KIAA1217: variants seen among roughly 807,000 people sequenced by gnomAD.
KIAA1217 encodes sickle tail protein homolog.
Under a neutral mutation model 163.9 loss-of-function variants are expected in KIAA1217, and 88 were observed. The observed-to-expected ratio is 0.54, with a 90% CI of 0.45 to 0.64. KIAA1217 has a LOEUF of 0.64. Among genes scored for constraint, KIAA1217 ranks in the 30% least tolerant of loss-of-function variants. The pLI, the probability that KIAA1217 is intolerant of heterozygous loss-of-function variation, is 0.00. For synonymous variants in KIAA1217, 903 were observed against 923.1 expected, an observed-to-expected ratio of 0.98 and a Z score of 0.39; for missense variants, 2,372 against 2,475.0, an observed-to-expected ratio of 0.96 and a Z score of 0.88.
chr10:24,010,326 T>C (rs1385856391), intron 2 of KIAA1217, among the ~76,000 whole-genome samples: 1 of 152,178 alleles, frequency 6.6e-6, no homozygotes, highest in Non-Finnish European at 1.5e-5. Flanking sequence ...GATCAAATGA[T>C]TAAGATGATT....
intron 1 of KIAA1217, among the ~76,000 whole-genome samples, chr10:24,004,230 G>A (rs1242351374): frequency 2.6e-5 from 4 of 152,072 alleles, no homozygotes; most frequent in Non-Finnish European, 5.9e-5. Flanking sequence ...ACCCACCTCA[G>A]CCTCCCAAAG....
chr10:24,179,097 G>A (rs1206203793), intron 2 of KIAA1217, among the ~76,000 whole-genome samples: 2 of 152,162 alleles, frequency 1.3e-5, no homozygotes, highest in African/African-American at 4.8e-5. Context: ...TACACAGAGT[G>A]CCTCACAGAA....
At chr10:24,410,910 C>T (rs2057714264) in intron 3 of KIAA1217, among the ~76,000 whole-genome samples, 1 of 152,106 alleles carries the variant, frequency 6.6e-6, no homozygotes, top group South Asian at 2.1e-4. Flanking sequence ...TCTCACAGTC[C>T]TTCGTGCGTG....
rs1051201386 is a variant in KIAA1217, at chr10:23,907,503, T to C, written c.-320-99722T>C. Among the ~76,000 whole-genome samples the C allele has an allele frequency of 9.9e-5, 15 of 152,044 alleles. No individual in the cohort carries two copies. In the East Asian group the frequency reaches 2.9e-3, roughly 30 times the overall value. On this transcript the variant is annotated intron_variant, in intron 1 of 18. Transcript: ENST00000376462. ...GTATAATTCAGTCTGAGTCAGAAGG[T>C]CTGAGAACCAGAAGAGACAATGGTC...
At chr10:24,427,311 C>T (rs1017015612) in intron 3 of KIAA1217, among the ~76,000 whole-genome samples, 4 of 151,884 alleles carry the variant, frequency 2.6e-5, no homozygotes, top group Admixed American at 6.6e-5. Flanking sequence ...GCACCCAGCA[C>T]GCTTCAACAT....
At chr10:23,734,971 C>G (rs886793372) in intron 1 of KIAA1217, among the ~76,000 whole-genome samples, 2 of 152,050 alleles carry the variant, frequency 1.3e-5, no homozygotes, top group Non-Finnish European at 2.9e-5. Flanking sequence ...GCCACCCTTT[C>G]CTTCCATAAG....
At chr10:24,504,951 G>A (rs10508679) in intron 9 of KIAA1217, among the ~76,000 whole-genome samples, 41,751 of 151,900 alleles carry the variant, frequency 0.27, 6,246 homozygotes, top group African/African-American at 0.39. Flanking sequence ...AGGAGTTATC[G>A]GTCTAAGAGT....
At chr10:24,345,930 A>C (rs1178000361) in intron 2 of KIAA1217, among the ~76,000 whole-genome samples, 2 of 152,090 alleles carry the variant, frequency 1.3e-5, no homozygotes, top group African/African-American at 4.8e-5. Flanking sequence ...ATCTTGTAAA[A>C]CTGAAACTCT....
chr10:24,173,888 A>G (rs958442886), intron 2 of KIAA1217, among the ~76,000 whole-genome samples: 1 of 152,252 alleles, frequency 6.6e-6, no homozygotes, highest in African/African-American at 2.4e-5. Flanking sequence ...TGCAAAGTCC[A>G]AGCTGCATCT....
chr10:24,000,096 A>C (rs1846670982), intron 1 of KIAA1217, among the ~76,000 whole-genome samples: 1 of 152,154 alleles, frequency 6.6e-6, no homozygotes. Flanking sequence ...AGTAAACCTC[A>C]TAAAAGTGTT....
chr10:24,216,598 G>A (rs1224574284), intron 1 of KIAA1217, among the ~76,000 whole-genome samples: 2 of 151,836 alleles, frequency 1.3e-5, no homozygotes, highest in African/African-American at 2.4e-5. Context: ...AGGCTGAGGT[G>A]GGCAGATCAC....
chr10:23,810,512 C>CTATATATAATCTATATATATTATA (rs1564441076), intron 1 of KIAA1217, among the ~76,000 whole-genome samples: 4 of 134,368 alleles, frequency 3.0e-5, no homozygotes, highest in African/African-American at 1.1e-4. Flanking sequence ...TCTATATATA[C>CTATATATAATCTATATATATTATA]TATAGATAAT....
At chr10:24,179,023 G>A (rs1188612671) in intron 2 of KIAA1217, among the ~76,000 whole-genome samples, 1 of 152,164 alleles carries the variant, frequency 6.6e-6, no homozygotes, top group Non-Finnish European at 1.5e-5. Context: ...TAGATTCAGT[G>A]GCTGGGGTCT....
At chr10:24,464,399 T>C (rs928401181) in intron 5 of KIAA1217, among the ~76,000 whole-genome samples, 1 of 152,188 alleles carries the variant, frequency 6.6e-6, no homozygotes, top group African/African-American at 2.4e-5. Context: ...TCTTCTCGCA[T>C]TGAACCGACC....
chr10:24,332,368 G>C (rs903195768), intron 2 of KIAA1217, among the ~76,000 whole-genome samples: 1 of 152,198 alleles, frequency 6.6e-6, no homozygotes, highest in Non-Finnish European at 1.5e-5. Context: ...GATGTCATTT[G>C]TATGTAACAG....
chr10:24,457,012 T>G (rs149150803), intron 5 of KIAA1217, among the ~76,000 whole-genome samples: 6 of 150,386 alleles, frequency 4.0e-5, no homozygotes, highest in Non-Finnish European at 8.9e-5. Context: ...AATTAAACCC[T>G]TTTTAATTAA....
At chr10:23,920,602 C>T (rs11013787) in intron 1 of KIAA1217, among the ~76,000 whole-genome samples, 7,858 of 152,232 alleles carry the variant, frequency 0.052, 310 homozygotes, top group Middle Eastern at 0.12. Flanking sequence ...TTTTGTCTCT[C>T]TATTTATCTC....
intron 5 of KIAA1217, among the ~76,000 whole-genome samples, chr10:24,460,467 G>T (rs1429949840): frequency 3.9e-5 from 6 of 152,044 alleles, no homozygotes; most frequent in Non-Finnish European, 7.4e-5. Context: ...CCCCATCATT[G>T]TTTTTTTCAT....
intron 2 of KIAA1217, among the ~76,000 whole-genome samples, chr10:24,048,854 A>C (rs1236679987): frequency 1.3e-5 from 2 of 151,936 alleles, no homozygotes; most frequent in Non-Finnish European, 2.9e-5. Flanking sequence ...AACATGGTGA[A>C]ACCCCATCTC....
Sources: gnomAD v4.1 joint callset for allele counts (sites outside exome capture counted in the v4.1 genomes callset) on GRCh38, gnomAD v4.1.1 for gene constraint, MANE v1.5 for transcripts, NCBI Gene and HGNC (gene_info 2026-07-23, HGNC 2026-07-21) for gene names.